The following HTRA4 variants were observed in gnomAD, a reference collection of about 807,000 sequenced individuals.
HTRA4 encodes the protein serine protease HTRA4.
In HTRA4, 46 loss-of-function variants were observed where a neutral mutation model predicts 49.1. The observed-to-expected ratio is 0.94, with a 90% CI of 0.74 to 1.20. HTRA4 has a LOEUF of 1.20. Among genes scored for constraint, HTRA4 ranks in the 50% most tolerant of loss-of-function variants. The pLI, the probability that HTRA4 is intolerant of heterozygous loss-of-function variation, is 0.00. For synonymous variants in HTRA4, 261 were observed against 264.0 expected (o/e 0.99, Z 0.11); for missense variants, 602 against 636.9 (o/e 0.95, Z 0.59).
intron 3 of HTRA4, 126 bp from the exon 4 acceptor site, chr8:38,977,827 A>G (rs4733959): frequency 0.35 from 299,089 of 845,998 alleles, 54,128 homozygotes; most frequent in Non-Finnish European, 0.37. Flanking sequence ...GGTGCTTCTC[A>G]GGTGGTAAGG....
chr8:38,981,165 C>T (rs1287007280), intron 5 of HTRA4, among the ~76,000 whole-genome samples: 1 of 143,740 alleles, frequency 7.0e-6, no homozygotes, highest in Non-Finnish European at 1.5e-5. Context: ...CTGCAAGCTC[C>T]GCCTCCCGGG....
intron 8 of HTRA4, among the ~76,000 whole-genome samples, 153 bp from the exon 9 acceptor site, chr8:38,987,783 T>C (rs902970666): frequency 2.6e-5 from 4 of 152,180 alleles, no homozygotes; most frequent in Non-Finnish European, 5.9e-5. Flanking sequence ...TTAGAATAGC[T>C]TTATGATTTG....
chr8:38,987,534 A>C (rs1835498147), intron 8 of HTRA4, among the ~76,000 whole-genome samples: 1 of 152,062 alleles, frequency 6.6e-6, no homozygotes, highest in South Asian at 2.1e-4. Flanking sequence ...AACTGAGCCG[A>C]GTTTAAGTGT....
At chr8:38,987,445 C>G (rs1178750628) in intron 8 of HTRA4, among the ~76,000 whole-genome samples, 1 of 148,372 alleles carries the variant, frequency 6.7e-6, no homozygotes, top group Non-Finnish European at 1.5e-5. Context: ...AGCTCAGCAT[C>G]CTTCCCAGCT....
rs201627237 is a variant in HTRA4, at chr8:38,979,176, A to G, written c.967-39A>G. Reference sequence around the variant, plus strand: ...GTAAAGGACAAGGGGGAATGTATTCATTAGCTTCACTGATGTCTTTTTCAA... The same window carrying G: ...GTAAAGGACAAGGGGGAATGTATTCGTTAGCTTCACTGATGTCTTTTTCAA... On this transcript the variant is annotated intron_variant, in intron 4 of 8. Coordinates refer to ENST00000302495, the MANE Select transcript of HTRA4 (RefSeq NM_153692.4). The G allele has an allele frequency of 2.5e-6, 4 of 1,580,360 alleles. No individual in the cohort carries two copies. The East Asian group carries it at 6.7e-5, about 26-fold the overall frequency.
intron 5 of HTRA4, among the ~76,000 whole-genome samples, chr8:38,981,073 T>TTTTTTTTTG (rs1835414362): frequency 3.5e-4 from 16 of 45,550 alleles, no homozygotes; most frequent in East Asian, 1.7e-3. Flanking sequence ...GTTTTTTTTT[T>TTTTTTTTTG]TTTTTTTTTT....
chr8:38,982,965 A>G lies in HTRA4; in HGVS notation c.1185A>G (p.Glu395=), dbSNP rs1191836198. 1 of 1,612,008 alleles carries G rather than the reference A, an allele frequency of 6.2e-7. No individual in the cohort carries two copies. The highest frequency in any genetic ancestry group is 1.3e-5 in the African/African-American group (1 of 74,890). ...TCACTTCTCTTAGCCTTAGTGAAGA[A>G]TTGAAAATGCATTATCCAGATTTCC... ...MLSLTVPLSE[E]LKMHYPDFPD... Residue 395 remains glutamate (E), a synonymous_variant, in exon 8 of 9, where the codon GAA becomes GAG. Coordinates refer to ENST00000302495, the MANE Select transcript of HTRA4 (RefSeq NM_153692.4).
Position 38,975,554 on chromosome 8 carries a change from AG to A in HTRA4, c.566+426del, listed in dbSNP as rs376097424. Among the ~76,000 whole-genome samples, 61 of 152,288 alleles carry A rather than the reference AG, an allele frequency of 4.0e-4. No homozygotes were observed. In the East Asian group the frequency reaches 0.01, roughly 26 times the overall value. ...CTCTGGAGTAACTGGGACTATAGGCAGGTGCCACCATACCCAGCTAATATTT... is the reference window on the plus strand; with the variant it reads ...CTCTGGAGTAACTGGGACTATAGGCAGTGCCACCATACCCAGCTAATATTT... On this transcript the variant is annotated intron_variant, in intron 2 of 8. Coordinates refer to ENST00000302495, the MANE Select transcript of HTRA4 (RefSeq NM_153692.4).
At chr8:38,975,328 C>T (rs1238860079) in intron 2 of HTRA4, among the ~76,000 whole-genome samples, 198 bp downstream of exon 2, 1 of 152,194 alleles carries the variant, frequency 6.6e-6, no homozygotes, top group African/African-American at 2.4e-5. Context: ...AATCCCAGCT[C>T]CCCCTGCCCA....
intron 8 of HTRA4, among the ~76,000 whole-genome samples, chr8:38,984,849 T>C (rs1426287560): frequency 1.3e-5 from 2 of 152,100 alleles, no homozygotes; most frequent in Non-Finnish European, 2.9e-5. Flanking sequence ...CACCTGAGTC[T>C]GGGCTGTAAT....
chr8:38,975,281 T>A (rs1315440468), intron 2 of HTRA4, 151 bp downstream of exon 2: 4 of 751,878 alleles, frequency 5.3e-6, no homozygotes, highest in African/African-American at 3.5e-5. Flanking sequence ...CAAGGTCATT[T>A]AACCAAAGAG....
At chr8:38,979,389 C>T in intron 5 of HTRA4, 142 bp downstream of exon 5, 2 of 789,212 alleles carry the variant, frequency 2.5e-6, no homozygotes, top group South Asian at 1.4e-5. Flanking sequence ...TTGAGACTAG[C>T]CTGGGCAAGA....
chr8:38,974,308 C>A lies in HTRA4; in HGVS notation c.45C>A (p.Leu15=). 6.2e-7 allele frequency: 1 copy of A among 1,612,894 alleles called. No homozygotes were observed. Among genetic ancestry groups the A allele is most frequent in the Non-Finnish European group, 8.5e-7 (1 of 1,179,718 alleles). Residue 15 remains leucine, a synonymous_variant, in exon 1 of 9, where the codon CTC becomes CTA. Transcript: ENST00000302495. ...GGACCGCGGGGCTGGGACGATGCCT[C>A]CTGCCGGGGCTGCTGCTGCTCCTGG... The part of the protein sequence containing the change: ...QLRTAGLGRC[L]LPGLLLLLVP...
Position 38,975,091 on chromosome 8 carries a change from A to T in HTRA4, c.527A>T (p.Lys176Met), listed in dbSNP as rs116529031. ...NYNFIAAVVEKVAPSVVHVQL... is the reference protein window; with the variant it reads ...NYNFIAAVVEMVAPSVVHVQL... The stretch of plus-strand genomic sequence containing the variant: ...AACTTCATCGCCGCGGTGGTGGAGA[A>T]GGTGGCGCCATCGGTGGTTCACGTG... The change falls in exon 2 of 9, where the codon AAG (lysine) becomes ATG (methionine). Residue 176 changes from lysine to methionine, a missense_variant. Transcript: ENST00000302495. The T allele has an allele frequency of 6.6e-4, 1,064 of 1,613,928 alleles. 10 individuals are homozygous for T. The African/African-American group carries it at 0.011, about 16-fold the overall frequency.
In HTRA4 at chr8:38,974,411, C is replaced by A. The variant is rs777230452; in HGVS notation, c.148C>A (p.Pro50Thr). The change falls in exon 1 of 9, where the codon CCC becomes ACC. Residue 50 changes from proline (P) to threonine (T), a missense_variant. Pro to Thr is a conservative substitution (Grantham distance 38). Coordinates refer to ENST00000302495, the MANE Select transcript of HTRA4 (RefSeq NM_153692.4). ...CPAVCQPTRCPALPTCALGTT... is the reference protein window; with the variant it reads ...CPAVCQPTRCTALPTCALGTT... ...CGCGGTCTGCCAGCCCACGCGCTGC[C>A]CCGCGCTGCCCACCTGCGCGCTGGG... 92 of 1,555,334 alleles carry A rather than the reference C, an allele frequency of 5.9e-5. No homozygotes were observed. The Middle Eastern group carries it at 2.7e-3, about 45-fold the overall frequency.
At chr8:38,983,108 A>G in intron 8 of HTRA4, 60 bp downstream of exon 8, 1 of 1,099,478 alleles carries the variant, frequency 9.1e-7, no homozygotes, top group Non-Finnish European at 1.4e-6. Flanking sequence ...GTGCCATGGT[A>G]AAATGCATGG....
chr8:38,981,078 T>TGTTTG (rs1835415313), intron 5 of HTRA4, among the ~76,000 whole-genome samples: 1 of 104,406 alleles, frequency 9.6e-6, no homozygotes, highest in Admixed American at 1.0e-4. Flanking sequence ...TTTTTTTTTT[T>TGTTTG]TTTTTTTTTT....
At chr8:38,976,834 T>G in intron 3 of HTRA4, 95 bp downstream of exon 3, 1 of 1,164,154 alleles carries the variant, frequency 8.6e-7, no homozygotes, top group South Asian at 1.4e-5. Context: ...ACACCACATC[T>G]TTTCTGTTGA....
At chr8:38,981,472 TC>T (rs1183498610) in intron 5 of HTRA4, among the ~76,000 whole-genome samples, 180 bp from the exon 6 acceptor site, 2 of 152,080 alleles carry the variant, frequency 1.3e-5, no homozygotes, top group African/African-American at 4.8e-5. Context: ...CCCTTTGCTG[TC>T]CCATCACACT....
Sources: gnomAD v4.1 joint callset for allele counts (sites outside exome capture counted in the v4.1 genomes callset) on GRCh38, gnomAD v4.1.1 for gene constraint, MANE v1.5 for transcripts, NCBI Gene and HGNC (gene_info 2026-07-23, HGNC 2026-07-21) for gene names.